The following CELF4 variants were observed in gnomAD, a reference collection of about 807,000 sequenced individuals.
CELF4 encodes CUG-BP- and ETR-3-like factor 4.
A neutral mutation model predicts 59.9 loss-of-function variants in CELF4; 18 were observed. The observed-to-expected ratio is 0.30, with a 90% CI of 0.21 to 0.45. The LOEUF (loss-of-function observed/expected upper bound fraction) is 0.45, where lower values mean the gene tolerates loss of function less well. CELF4 is among the 20% of genes least tolerant of loss of function. The probability of loss-of-function intolerance (pLI) is 1.00; values close to 1 mark genes in which losing one functional copy is unlikely to be tolerated. For missense variants in CELF4, 456 were observed against 689.0 expected, an observed-to-expected ratio of 0.66 and a Z score of 3.79; for synonymous variants, 261 against 267.1, an observed-to-expected ratio of 0.98 and a Z score of 0.22.
At chr18:37,490,390 A>G (rs1366774754) in intron 1 of CELF4, among the ~76,000 whole-genome samples, 1 of 152,216 alleles carries the variant, frequency 6.6e-6, no homozygotes, top group Non-Finnish European at 1.5e-5. Flanking sequence ...GGAAAAAAAA[A>G]ATCTTTACTA....
chr18:37,554,078 A>AGAG (rs2099984050), intron 1 of CELF4, among the ~76,000 whole-genome samples: 1 of 152,076 alleles, frequency 6.6e-6, no homozygotes, highest in African/African-American at 2.4e-5. Context: ...TGAGGAGGGG[A>AGAG]GAGGGCACTT....
At chr18:37,341,105 C>A (rs2098007038) in intron 2 of CELF4, among the ~76,000 whole-genome samples, 1 of 152,190 alleles carries the variant, frequency 6.6e-6, no homozygotes, top group Admixed American at 6.5e-5. Flanking sequence ...TTCAGTAGGG[C>A]ACTTAGATAG....
intron 1 of CELF4, among the ~76,000 whole-genome samples, chr18:37,517,042 C>T (rs1569569726): frequency 6.6e-6 from 1 of 152,240 alleles, no homozygotes; most frequent in African/African-American, 2.4e-5. Context: ...TGCACATGCA[C>T]ATGCATGCCC....
intron 2 of CELF4, among the ~76,000 whole-genome samples, chr18:37,462,350 G>A (rs556686506): frequency 1.3e-5 from 2 of 152,344 alleles, no homozygotes; most frequent in African/African-American, 2.4e-5. Flanking sequence ...CTTCCCATTG[G>A]TGACTCCTGG....
intron 2 of CELF4, among the ~76,000 whole-genome samples, chr18:37,382,691 T>C (rs533179220): frequency 6.6e-6 from 1 of 152,182 alleles, no homozygotes; most frequent in African/African-American, 2.4e-5. Context: ...AACTGAGAAG[T>C]AGGTCATGAA....
At chr18:37,549,989 G>A (rs1231025025) in intron 1 of CELF4, among the ~76,000 whole-genome samples, 3 of 139,010 alleles carry the variant, frequency 2.2e-5, no homozygotes, top group Non-Finnish European at 3.1e-5. Context: ...ACAAGCCCCA[G>A]ATTTGTGATT....
intron 11 of CELF4, among the ~76,000 whole-genome samples, chr18:37,256,475 T>C (rs1159655298): frequency 6.6e-6 from 1 of 152,240 alleles, no homozygotes. Context: ...CCTGGGGCGA[T>C]GATTAAAATC....
intron 8 of CELF4, among the ~76,000 whole-genome samples, chr18:37,268,346 T>C (rs2078740098): frequency 1.3e-5 from 2 of 152,208 alleles, no homozygotes; most frequent in South Asian, 2.1e-4. Context: ...GCCTTCCCTC[T>C]GCCCCTATCC....
intron 2 of CELF4, among the ~76,000 whole-genome samples, chr18:37,366,552 C>T (rs895373852): frequency 5.9e-5 from 9 of 152,218 alleles, no homozygotes; most frequent in Admixed American, 2.6e-4. Flanking sequence ...GTTTGGGGCC[C>T]TTGTCTGGTC....
intron 1 of CELF4, among the ~76,000 whole-genome samples, chr18:37,525,280 C>T (rs1372683517): frequency 2.0e-5 from 3 of 152,170 alleles, no homozygotes; most frequent in South Asian, 2.1e-4. Flanking sequence ...AGAGGCCCTT[C>T]TTATTTGGGG....
In CELF4 at chr18:37,365,299, T is replaced by C. The variant is rs186569321; in HGVS notation, c.370-43418A>G. Among the ~76,000 whole-genome samples, 47 of 152,160 alleles carry C rather than the reference T, an allele frequency of 3.1e-4. No individual in the cohort carries two copies. The East Asian group carries it at 9.1e-3, about 29-fold the overall frequency. On this transcript the variant is annotated intron_variant, in intron 2 of 12. Coordinates refer to ENST00000420428, the MANE Select transcript of CELF4 (RefSeq NM_020180.4). ...CAAAGTTGGGCAATGGAGAGTTGAT[T>C]GAGCCCTTTCTGAATACCCTTCTAC... is the stretch of plus-strand genomic sequence containing the variant.
chr18:37,263,818 A>T (rs568633922), intron 10 of CELF4, among the ~76,000 whole-genome samples: 3 of 151,980 alleles, frequency 2.0e-5, no homozygotes, highest in African/African-American at 7.3e-5. Flanking sequence ...CTGCCCACGC[A>T]GTCCTGCCCT....
chr18:37,556,564 T>A (rs530548339), intron 1 of CELF4, among the ~76,000 whole-genome samples: 1 of 152,304 alleles, frequency 6.6e-6, no homozygotes, highest in African/African-American at 2.4e-5. Context: ...ACAGACCTCA[T>A]TGCTGTGCAT....
intron 1 of CELF4, among the ~76,000 whole-genome samples, chr18:37,493,323 C>A (rs2099912675): frequency 6.6e-6 from 1 of 152,204 alleles, no homozygotes; most frequent in Admixed American, 6.5e-5. Flanking sequence ...TCTCATAGCC[C>A]TTGGCAATGG....
At chr18:37,376,672 A>C (rs2098973501) in intron 2 of CELF4, among the ~76,000 whole-genome samples, 1 of 152,158 alleles carries the variant, frequency 6.6e-6, no homozygotes. Flanking sequence ...GTCTGGCCTC[A>C]CCTTGGTGGA....
chr18:37,504,638 A>G (rs1390857122), intron 1 of CELF4, among the ~76,000 whole-genome samples: 1 of 152,156 alleles, frequency 6.6e-6, no homozygotes, highest in Non-Finnish European at 1.5e-5. Context: ...GTGTACAGGC[A>G]GGGCTGGCTC....
chr18:37,321,989 A>T, intron 2 of CELF4, 108 bp from the exon 3 acceptor site: 1 of 742,886 alleles, frequency 1.3e-6, no homozygotes, highest in South Asian at 2.3e-5. Flanking sequence ...CTGCACCCAC[A>T]GACACGCGCT....
At chr18:37,335,843 T>A (rs1008923724) in intron 2 of CELF4, among the ~76,000 whole-genome samples, 3 of 152,152 alleles carry the variant, frequency 2.0e-5, no homozygotes, top group South Asian at 2.1e-4. Flanking sequence ...CCTCAATACA[T>A]GCTGAATGAC....
At chr18:37,272,597 CGACACCCAAATG>C (rs1343526019) in intron 7 of CELF4, among the ~76,000 whole-genome samples, 1 of 124,056 alleles carries the variant, frequency 8.1e-6, no homozygotes, top group Non-Finnish European at 1.7e-5. Flanking sequence ...AAAAAAAAGA[CGACACCCAAATG>C]GGTTCCTTCT....
Sources: gnomAD v4.1 joint callset for allele counts (sites outside exome capture counted in the v4.1 genomes callset) on GRCh38, gnomAD v4.1.1 for gene constraint, MANE v1.5 for transcripts, NCBI Gene and HGNC (gene_info 2026-07-23, HGNC 2026-07-21) for gene names.